Variants in MCHR2 observed in about 807,000 individuals in gnomAD.
MCHR2 encodes melanin concentrating hormone receptor 2.
A neutral mutation model predicts 24.8 loss-of-function variants in MCHR2; 15 were observed. That is an observed-to-expected ratio of 0.60 (90% CI 0.40 to 0.93). The LOEUF (loss-of-function observed/expected upper bound fraction) is 0.93. Ranked by LOEUF, MCHR2 falls within the 40% of genes least tolerant of loss-of-function variation. The pLI is 0.00. For missense variants in MCHR2, 386 were observed against 408.7 expected (o/e 0.94, Z 0.48); for synonymous variants, 151 against 147.6 (o/e 1.02, Z -0.17).
chr6:99,969,488 AAAAAG>A (rs71545797), intron 1 of MCHR2, among the ~76,000 whole-genome samples: 116 of 148,742 alleles, frequency 7.8e-4, no homozygotes, highest in Admixed American at 1.8e-3. Context: ...AAAAAAAAAA[AAAAAG>A]AAAAGAAAAC....
rs141857897 is a variant in MCHR2, at chr6:99,981,815, CG to C, written c.-28+12120del. On this transcript the variant is annotated intron_variant, in intron 1 of 5. Transcript: ENST00000281806. ...AAATGGCTCACCTCTAAGAAACAGT[CG>C]GTGATTAATTCCAGCTCTGTGAGTC... Among the ~76,000 whole-genome samples the C allele has an allele frequency of 4.1e-3, 627 of 152,236 alleles. 19 individuals carry two copies. The highest frequency in any genetic ancestry group is 0.034 in the Admixed American group (515 of 15,292).
At chr6:99,931,079 G>A (rs538238863) in intron 5 of MCHR2, among the ~76,000 whole-genome samples, 135 of 152,326 alleles carry the variant, frequency 8.9e-4, no homozygotes, top group Non-Finnish European at 1.8e-3. Flanking sequence ...CTGCAGGTCT[G>A]TTGGAGTTTG....
At chr6:99,986,513 T>C (rs187329006) in intron 1 of MCHR2, among the ~76,000 whole-genome samples, 5 of 152,136 alleles carry the variant, frequency 3.3e-5, no homozygotes, top group African/African-American at 1.2e-4. Flanking sequence ...AAATAATGTC[T>C]TTTATGGCAA....
intron 1 of MCHR2, among the ~76,000 whole-genome samples, chr6:99,964,189 C>T (rs1483821131): frequency 6.6e-6 from 1 of 152,068 alleles, no homozygotes; most frequent in Admixed American, 6.6e-5. Flanking sequence ...ATATATCACT[C>T]TGGAAAACAA....
chr6:99,939,447 GA>G (rs540787993), intron 4 of MCHR2, among the ~76,000 whole-genome samples: 3 of 151,818 alleles, frequency 2.0e-5, no homozygotes, highest in Non-Finnish European at 2.9e-5. Flanking sequence ...GAAAAAAGTG[GA>G]AAAAAATCTA....
chr6:99,954,778 C>T (rs1273904000), intron 2 of MCHR2, among the ~76,000 whole-genome samples: 2 of 152,162 alleles, frequency 1.3e-5, no homozygotes, highest in African/African-American at 4.8e-5. Context: ...CAGATGTCCA[C>T]ATGGGTGGCT....
intron 4 of MCHR2, among the ~76,000 whole-genome samples, chr6:99,936,499 C>T (rs754035223): frequency 8.6e-5 from 13 of 151,924 alleles, no homozygotes; most frequent in Non-Finnish European, 1.9e-4. Flanking sequence ...GATGAGTTGG[C>T]TATAAATGTG....
chr6:99,949,527 C>T (rs2114531877), intron 2 of MCHR2, among the ~76,000 whole-genome samples: 1 of 152,274 alleles, frequency 6.6e-6, no homozygotes. Flanking sequence ...TTGGTTACAA[C>T]TTCTATAGCC....
chr6:99,983,716 A>G (rs1287324260), intron 1 of MCHR2, among the ~76,000 whole-genome samples: 2 of 139,820 alleles, frequency 1.4e-5, no homozygotes, highest in African/African-American at 2.5e-5. Context: ...CCTTGACATG[A>G]TGCTCACTTG....
chr6:99,991,532 C>A (rs1210711282), intron 1 of MCHR2, among the ~76,000 whole-genome samples: 1 of 152,100 alleles, frequency 6.6e-6, no homozygotes, highest in African/African-American at 2.4e-5. Flanking sequence ...GAGGCCGGGG[C>A]GCGGTGGCTC....
chr6:99,931,499 G>A (rs913334764), intron 5 of MCHR2, among the ~76,000 whole-genome samples: 1 of 152,176 alleles, frequency 6.6e-6, no homozygotes, highest in African/African-American at 2.4e-5. Context: ...CACCCAGTTC[G>A]AGCTTCCAGG....
intron 1 of MCHR2, among the ~76,000 whole-genome samples, chr6:99,985,329 C>A (rs1356823551): frequency 6.6e-6 from 1 of 151,998 alleles, no homozygotes; most frequent in Non-Finnish European, 1.5e-5. Flanking sequence ...AAAGGCAATG[C>A]TAACATTCAT....
At chr6:99,928,018 C>A (rs1475066261) in intron 5 of MCHR2, among the ~76,000 whole-genome samples, 1 of 152,120 alleles carries the variant, frequency 6.6e-6, no homozygotes, top group Non-Finnish European at 1.5e-5. Context: ...CCTATCAATA[C>A]CTAATTTATT....
chr6:99,993,555 G>A (rs1045565551), intron 1 of MCHR2, among the ~76,000 whole-genome samples: 2 of 152,186 alleles, frequency 1.3e-5, no homozygotes, highest in South Asian at 2.1e-4. Context: ...CGCCACTTCA[G>A]TTCAGCCTCT....
intron 1 of MCHR2, among the ~76,000 whole-genome samples, chr6:99,964,586 GACTC>G (rs565605894): frequency 3.0e-4 from 45 of 152,126 alleles, no homozygotes; most frequent in Non-Finnish European, 2.2e-4. Context: ...GACCTCATGA[GACTC>G]ACTCAGTGTC....
chr6:99,970,939 G>C (rs531136048), intron 1 of MCHR2, among the ~76,000 whole-genome samples: 4,793 of 152,240 alleles, frequency 0.031, 178 homozygotes, highest in African/African-American at 0.089. Context: ...TTTGGTACCA[G>C]TACCATGCTG....
chr6:99,922,398 C>G (rs553031002), intron 5 of MCHR2, among the ~76,000 whole-genome samples: 79 of 152,210 alleles, frequency 5.2e-4, no homozygotes, highest in South Asian at 1.9e-3. Flanking sequence ...TGAGCCACCG[C>G]GCCCGGACCC....
rs9389907 is a variant in MCHR2, at chr6:99,960,438, A to G, written c.-27-4264T>C. Among the ~76,000 whole-genome samples the G allele has an allele frequency of 8.1e-4, 123 of 152,294 alleles. 1 individual carries two copies. The East Asian group carries it at 0.023, about 28-fold the overall frequency. ...AATTTATAGATTCAATGCCATCCCC[A>G]TCAAGCTACCAATGACTTTCTTCAC... On this transcript the variant is annotated intron_variant, in intron 1 of 5. Coordinates refer to ENST00000281806, the MANE Select transcript of MCHR2 (RefSeq NM_001040179.2).
intron 5 of MCHR2, among the ~76,000 whole-genome samples, chr6:99,927,995 T>A (rs1011963432): frequency 5.3e-5 from 8 of 152,336 alleles, no homozygotes; most frequent in African/African-American, 1.9e-4. Context: ...GCTCTTATGA[T>A]TTTGAGATAC....
Sources: gnomAD v4.1 joint callset for allele counts (sites outside exome capture counted in the v4.1 genomes callset) on GRCh38, gnomAD v4.1.1 for gene constraint, MANE v1.5 for transcripts, NCBI Gene and HGNC (gene_info 2026-07-23, HGNC 2026-07-21) for gene names.